The following ANKRD11 variants were observed in gnomAD, a reference collection of about 807,000 sequenced individuals.
The protein encoded by ANKRD11 is ankyrin repeat domain 11, also known as ankyrin repeat domain-containing protein 11.
In ANKRD11, 17 loss-of-function variants were observed where a neutral mutation model predicts 195.7. The observed-to-expected ratio is 0.09, with a 90% CI of 0.06 to 0.13. The LOEUF is 0.13. ANKRD11 is among the 10% of genes least tolerant of loss of function. The pLI is 1.00. For synonymous variants in ANKRD11, 1,953 were observed against 1,528.1 expected (o/e 1.28, Z -6.49); for missense variants, 3,735 against 3,566.1 (o/e 1.05, Z -1.21).
At chr16:89,393,714 G>A (rs901381197) in intron 2 of ANKRD11, among the ~76,000 whole-genome samples, 2 of 152,002 alleles carry the variant, frequency 1.3e-5, no homozygotes, top group African/African-American at 2.4e-5. Context: ...AAGCAGCCGG[G>A]CCGATGGAAA....
At chr16:89,413,453 G>A (rs781015157) in intron 2 of ANKRD11, among the ~76,000 whole-genome samples, 3 of 151,990 alleles carry the variant, frequency 2.0e-5, no homozygotes, top group Admixed American at 6.6e-5. Flanking sequence ...AGGAAACCCC[G>A]TCTCTACTAA....
At chr16:89,314,226 C>T (rs552539240) in intron 3 of ANKRD11, among the ~76,000 whole-genome samples, 2 of 152,108 alleles carry the variant, frequency 1.3e-5, no homozygotes, top group Non-Finnish European at 2.9e-5. Context: ...TGCACTCCAC[C>T]CTGGGTGACA....
chr16:89,463,294 T>C (rs1020686900), intron 1 of ANKRD11, among the ~76,000 whole-genome samples: 2 of 152,144 alleles, frequency 1.3e-5, no homozygotes, highest in Non-Finnish European at 2.9e-5. Flanking sequence ...TAGAAAGAAG[T>C]AGACATGGGA....
rs1443899789 is a variant in ANKRD11 at position 89,405,539 on chromosome 16, G to T, written c.-60+12745C>A. ...GTAGAGACAGGGTTCTCACTATGTTGTCCGGGCTGGTCTCGAACTCCTGGG... is the reference window on the plus strand; with the variant it reads ...GTAGAGACAGGGTTCTCACTATGTTTTCCGGGCTGGTCTCGAACTCCTGGG... On this transcript the variant is annotated intron_variant, in intron 2 of 12. Transcript: ENST00000301030. 6.5e-5 allele frequency among the ~76,000 whole-genome samples: 8 copies of T among 122,554 alleles called. No homozygotes were observed. The Admixed American group carries it at 7.8e-4, about 12-fold the overall frequency. The allele number at this position is 122,554 out of a possible 152,430, so 80.4% of individuals were successfully genotyped here.
At chr16:89,342,385 G>A (rs911450859) in intron 2 of ANKRD11, among the ~76,000 whole-genome samples, 4 of 152,236 alleles carry the variant, frequency 2.6e-5, no homozygotes, top group Non-Finnish European at 5.9e-5. Context: ...CAGAGATGTT[G>A]AGGCCTTGGG....
intron 3 of ANKRD11, among the ~76,000 whole-genome samples, chr16:89,307,752 C>A (rs546193579): frequency 3.9e-5 from 6 of 152,382 alleles, no homozygotes; most frequent in African/African-American, 1.4e-4. Context: ...AGGCATCTTC[C>A]TTGGGGTCGG....
intron 2 of ANKRD11, among the ~76,000 whole-genome samples, chr16:89,351,808 C>T (rs943277114): frequency 6.6e-6 from 1 of 152,376 alleles, no homozygotes; most frequent in East Asian, 1.9e-4. Context: ...TGTTCTAGAA[C>T]TGACAGTCCT....
At chr16:89,290,248 G>T (rs577094577) in intron 6 of ANKRD11, among the ~76,000 whole-genome samples, 6 of 24,840 alleles carry the variant, frequency 2.4e-4, no homozygotes, top group Non-Finnish European at 9.2e-4. Flanking sequence ...GCTCCAGCGG[G>T]GGGTAGGCTC....
At chr16:89,352,301 C>A (rs927383663) in intron 2 of ANKRD11, among the ~76,000 whole-genome samples, 4 of 152,080 alleles carry the variant, frequency 2.6e-5, no homozygotes, top group South Asian at 2.1e-4. Flanking sequence ...ATGCATCACG[C>A]CACGCGGTGC....
At chr16:89,441,767 C>CAAAAAAAAAAAAAAAAAA (rs57747159) in intron 1 of ANKRD11, among the ~76,000 whole-genome samples, 3 of 52,372 alleles carry the variant, frequency 5.7e-5, no homozygotes, top group Non-Finnish European at 9.7e-5. Flanking sequence ...ACTCCGCCTA[C>CAAAAAAAAAAAAAAAAAA]AAAAAAAAAA....
intron 3 of ANKRD11, among the ~76,000 whole-genome samples, chr16:89,309,396 G>GGCCC (rs2036485534): frequency 6.6e-6 from 1 of 152,228 alleles, no homozygotes; most frequent in Non-Finnish European, 1.5e-5. Flanking sequence ...CATTACTGAA[G>GGCCC]GCCCCTAGCA....
chr16:89,397,423 C>T (rs2041489215), intron 2 of ANKRD11, among the ~76,000 whole-genome samples: 1 of 152,248 alleles, frequency 6.6e-6, no homozygotes, highest in South Asian at 2.1e-4. Flanking sequence ...ATTCTGGACT[C>T]CCAGCGCCGT....
At chr16:89,333,621 T>C (rs887617476) in intron 2 of ANKRD11, among the ~76,000 whole-genome samples, 3 of 152,220 alleles carry the variant, frequency 2.0e-5, no homozygotes, top group African/African-American at 7.2e-5. Context: ...CTACAGTGTG[T>C]AGTCCTTGGA....
At chr16:89,270,514 A>AG (rs898799680) in intron 12 of ANKRD11, 6 of 443,380 alleles carry the variant, frequency 1.4e-5, no homozygotes, top group Non-Finnish European at 2.5e-5. Context: ...GGGACCTTAG[A>AG]GGGGGCTCAC....
At chr16:89,374,892 T>G (rs1414745194) in intron 2 of ANKRD11, among the ~76,000 whole-genome samples, 1 of 152,062 alleles carries the variant, frequency 6.6e-6, no homozygotes, top group Non-Finnish European at 1.5e-5. Flanking sequence ...TGTGACCATT[T>G]GGAAAGAATT....
At chr16:89,300,007 G>C (rs1219217620) in intron 4 of ANKRD11, 1 of 174,282 alleles carries the variant, frequency 5.7e-6, no homozygotes, top group Non-Finnish European at 1.1e-5. Flanking sequence ...CCCTGTGTGG[G>C]GTGCCTGCCC....
At chr16:89,380,561 C>CG (rs397767182) in intron 2 of ANKRD11, among the ~76,000 whole-genome samples, 1 of 152,008 alleles carries the variant, frequency 6.6e-6, no homozygotes, top group Non-Finnish European at 1.5e-5. Flanking sequence ...GCCCCAGGAC[C>CG]TGCCCGCTGC....
chr16:89,311,078 T>C (rs905194272), intron 3 of ANKRD11, among the ~76,000 whole-genome samples: 1 of 152,236 alleles, frequency 6.6e-6, no homozygotes, highest in African/African-American at 2.4e-5. Context: ...TATTCCTAGT[T>C]TGCAGAATTT....
intron 2 of ANKRD11, among the ~76,000 whole-genome samples, chr16:89,374,970 T>C (rs1826746049): frequency 6.6e-6 from 1 of 152,108 alleles, no homozygotes. Context: ...ACAAAATATA[T>C]GTAGATATTA....
Sources: gnomAD v4.1 joint callset for allele counts (sites outside exome capture counted in the v4.1 genomes callset) on GRCh38, gnomAD v4.1.1 for gene constraint, MANE v1.5 for transcripts, NCBI Gene and HGNC (gene_info 2026-07-23, HGNC 2026-07-21) for gene names.